GPC3: variants seen among roughly 807,000 people sequenced by gnomAD.
GPC3 encodes the protein glypican 3, also known as glypican-3.
A neutral mutation model predicts 34.4 loss-of-function variants in GPC3; 3 were observed. That is an observed-to-expected ratio of 0.09 (90% CI 0.04 to 0.23). The LOEUF (loss-of-function observed/expected upper bound fraction) is 0.23. Ranked by LOEUF, GPC3 falls within the 10% of genes least tolerant of loss-of-function variation. GPC3 has a pLI of 1.00. For synonymous variants in GPC3, 177 were observed against 174.0 expected, an observed-to-expected ratio of 1.02 and a Z score of -0.13; for missense variants, 351 against 445.6, an observed-to-expected ratio of 0.79 and a Z score of 1.91.
intron 3 of GPC3, among the ~76,000 whole-genome samples, chrX:133,709,642 T>C (rs971410304): frequency 1.8e-5 from 2 of 112,097 alleles, no homozygotes; most frequent in Non-Finnish European, 3.8e-5. Flanking sequence ...ATGTTTTGTC[T>C]TGTTAATTTC....
chrX:133,831,022 T>G (rs1253962435), intron 2 of GPC3, among the ~76,000 whole-genome samples: 1 of 111,562 alleles, frequency 9.0e-6, no homozygotes, highest in Non-Finnish European at 1.9e-5. Context: ...GATTACTGTA[T>G]AATTCCATTT....
At position 133,653,929 on chromosome X, in the gene GPC3, G is replaced by T. The variant is rs190099184; in HGVS notation, c.1413+7801C>A. Among the ~76,000 whole-genome samples the T allele has an allele frequency of 3.7e-4, 41 of 111,681 alleles. 2 individuals are homozygous for T. The Middle Eastern group carries it at 0.047, about 127-fold the overall frequency. On this transcript the variant is annotated intron_variant, in intron 6 of 7. Transcript: ENST00000370818. Reference sequence around the variant, plus strand: ...TTAACCTGTTCATTTCCCAGTCCCAGTGTTGTCATTTACTGGTAGTATGAC... The same window carrying T: ...TTAACCTGTTCATTTCCCAGTCCCATTGTTGTCATTTACTGGTAGTATGAC...
intron 1 of GPC3, among the ~76,000 whole-genome samples, chrX:133,962,266 A>G (rs1472410015): frequency 9.0e-6 from 1 of 111,324 alleles, no homozygotes; most frequent in East Asian, 2.8e-4. Context: ...CACTTCTCAC[A>G]CTCTCCATAT....
At chrX:133,557,351 A>G (rs2069499778) in intron 7 of GPC3, among the ~76,000 whole-genome samples, 1 of 111,825 alleles carries the variant, frequency 8.9e-6, no homozygotes, top group Admixed American at 9.5e-5. Flanking sequence ...TGAAACAAAC[A>G]GCATTTTCAA....
chrX:133,621,775 T>C (rs1046296734), intron 6 of GPC3, among the ~76,000 whole-genome samples: 5 of 112,111 alleles, frequency 4.5e-5, no homozygotes, highest in Admixed American at 9.4e-5. Flanking sequence ...GAGTTAAACG[T>C]TCCTGTCTGA....
Position 133,788,086 on chromosome X carries a change from TTTTATA to T in GPC3, c.338-33916_338-33911del, listed in dbSNP as rs1269928135. 1.7e-4 allele frequency among the ~76,000 whole-genome samples: 7 copies of T among 40,053 alleles called. No homozygotes were observed. In the South Asian group the frequency reaches 5.7e-3, roughly 33 times the overall value. The allele number at this position is 40,053 out of a possible 115,157, so 34.8% of individuals were successfully genotyped here. ...TATATAATATAAAGATATCATATTATTTTATATATATATATATATATATATATATAT... is the reference window on the plus strand; with the variant it reads ...TATATAATATAAAGATATCATATTATTATATATATATATATATATATATAT... On this transcript the variant is annotated intron_variant, in intron 2 of 7. Coordinates refer to ENST00000370818, the MANE Select transcript of GPC3 (RefSeq NM_004484.4).
At position 133,714,923 on chromosome X, in the gene GPC3, C is replaced by A. The variant is rs761043120; in HGVS notation, c.1033-14895G>T. Among the ~76,000 whole-genome samples, 4 of 112,030 alleles carry A rather than the reference C, an allele frequency of 3.6e-5. No homozygotes were observed. The East Asian group carries it at 1.1e-3, about 31-fold the overall frequency. On this transcript the variant is annotated intron_variant, in intron 3 of 7. Transcript: ENST00000370818. ...TTCATGGTGAAATCTAGCATCCTGG[C>A]AGCCACTGGAGGGAGCAGAATGGGG...
rs1365594428 is a variant in GPC3, at chrX:133,944,460, C to A, written c.337+8590G>T. On this transcript the variant is annotated intron_variant, in intron 2 of 7. Transcript: ENST00000370818. ...TTTTCTTAATGTAATCCAGTGGAAT[C>A]AGTCTCCCTTTGCTGAGTAGATCTA... Among the ~76,000 whole-genome samples, 4 of 111,971 alleles carry A rather than the reference C, an allele frequency of 3.6e-5. No individual in the cohort carries two copies. In the East Asian group the frequency reaches 8.4e-4, roughly 23 times the overall value.
At chrX:133,766,205 G>T (rs1391538150) in intron 2 of GPC3, among the ~76,000 whole-genome samples, 2 of 111,965 alleles carry the variant, frequency 1.8e-5, no homozygotes, top group African/African-American at 3.2e-5. Flanking sequence ...TTAACCACTT[G>T]CTGAAAAACT....
intron 1 of GPC3, among the ~76,000 whole-genome samples, chrX:133,980,821 A>G (rs1464866723): frequency 2.7e-5 from 3 of 112,285 alleles, no homozygotes; most frequent in Non-Finnish European, 5.6e-5. Flanking sequence ...GTCTCATACC[A>G]GACAAATCCA....
chrX:133,848,054 G>A (rs1012262527), intron 2 of GPC3, among the ~76,000 whole-genome samples: 1 of 111,655 alleles, frequency 9.0e-6, no homozygotes, highest in African/African-American at 3.3e-5. Flanking sequence ...AAGTGATAGA[G>A]GAAAGGGAAA....
chrX:133,974,851 C>T (rs753027103), intron 1 of GPC3, among the ~76,000 whole-genome samples: 248 of 111,342 alleles, frequency 2.2e-3, no homozygotes, highest in African/African-American at 7.8e-3. Flanking sequence ...TAATCCAAAA[C>T]GCAACTTGAA....
Position 133,754,180 on chromosome X carries a change from TAAA to T in GPC3, c.338-7_338-5del, listed in dbSNP as rs370737647. On this transcript the variant is annotated splice_region_variant and splice_polypyrimidine_tract_variant and intron_variant, in intron 2 of 7. Transcript: ENST00000370818. ...CGAACAACAATTTCAAAGGCCTCTGTAAAAAAAAAAAAAAAAGAGACACAAAAA... is the reference window on the plus strand; with the variant it reads ...CGAACAACAATTTCAAAGGCCTCTGTAAAAAAAAAAAAAGAGACACAAAAA... 1.8e-3 allele frequency: 1,715 copies of T among 932,629 alleles called. No individual in the cohort carries two copies. The highest frequency in any genetic ancestry group is 2.1e-3 in the Admixed American group (72 of 33,582). The allele number at this position is 932,629 out of a possible 1,213,427, so 76.9% of individuals were successfully genotyped here. A position where few individuals can be genotyped will look rare whatever the true frequency, so the allele number is the denominator to read the frequency against.
At chrX:133,953,774 T>A (rs1322191436) in intron 1 of GPC3, among the ~76,000 whole-genome samples, 1 of 112,216 alleles carries the variant, frequency 8.9e-6, no homozygotes, top group East Asian at 2.8e-4. Context: ...CAAATATTTA[T>A]TAGGTGCCTA....
intron 2 of GPC3, among the ~76,000 whole-genome samples, chrX:133,902,744 AAT>A (rs1329732590): frequency 9.0e-6 from 1 of 111,706 alleles, no homozygotes; most frequent in African/African-American, 3.3e-5. Flanking sequence ...GAAAAAAAGA[AAT>A]TTTAGGATAT....
At position 133,689,424 on chromosome X, in the gene GPC3, T is replaced by C. The variant is rs1304836982; in HGVS notation, c.1292+2945A>G. 3.6e-5 allele frequency among the ~76,000 whole-genome samples: 4 copies of C among 111,875 alleles called. No homozygotes were observed. The East Asian group carries it at 8.4e-4, about 23-fold the overall frequency. ...GCAGGCTTCGGAATCCACCATTTGA[T>C]AGAAGAGAAATTTCTTGGTTCCAGG... On this transcript the variant is annotated intron_variant, in intron 5 of 7. Transcript: ENST00000370818.
intron 7 of GPC3, among the ~76,000 whole-genome samples, chrX:133,559,937 C>G (rs976151644): frequency 1.8e-5 from 2 of 111,368 alleles, no homozygotes; most frequent in African/African-American, 3.3e-5. Context: ...TTCTCTCTCT[C>G]ATCTCTCTTT....
At chrX:133,586,925 T>C (rs1382004187) in intron 7 of GPC3, among the ~76,000 whole-genome samples, 1 of 111,799 alleles carries the variant, frequency 8.9e-6, no homozygotes, top group African/African-American at 3.3e-5. Flanking sequence ...CATTAGCACA[T>C]CCATCATCTC....
intron 2 of GPC3, among the ~76,000 whole-genome samples, chrX:133,784,350 G>A (rs1395144703): frequency 4.5e-5 from 5 of 111,704 alleles, no homozygotes; most frequent in Non-Finnish European, 9.4e-5. Flanking sequence ...AAAAACCCCA[G>A]CCTTTACCTG....
Sources: gnomAD v4.1 joint callset for allele counts (sites outside exome capture counted in the v4.1 genomes callset) on GRCh38, gnomAD v4.1.1 for gene constraint, MANE v1.5 for transcripts, NCBI Gene and HGNC (gene_info 2026-07-23, HGNC 2026-07-21) for gene names.